ZFHX3: variants seen among roughly 807,000 people sequenced by gnomAD.
The protein encoded by ZFHX3 is zinc finger homeobox protein 3.
A neutral mutation model predicts 279.1 loss-of-function variants in ZFHX3; 42 were observed. The observed-to-expected ratio is 0.15, with a 90% CI of 0.12 to 0.19. ZFHX3 has a LOEUF of 0.19. Ranked by LOEUF, ZFHX3 falls within the 10% of genes least tolerant of loss-of-function variation. The pLI is 1.00. For missense variants in ZFHX3, 4,981 were observed against 4,754.0 expected (o/e 1.05, Z -1.40); for synonymous variants, 2,293 against 1,957.8 (o/e 1.17, Z -4.52).
intron 3 of ZFHX3, among the ~76,000 whole-genome samples, chr16:72,935,965 G>C (rs922098240): frequency 1.3e-5 from 2 of 152,206 alleles, no homozygotes; most frequent in African/African-American, 2.4e-5. Context: ...GGGAGAAAGA[G>C]CAGTGATTTT....
chr16:73,155,655 T>C (rs1402381959), intron 5 of ZFHX3, among the ~76,000 whole-genome samples: 1 of 151,954 alleles, frequency 6.6e-6, no homozygotes, highest in Non-Finnish European at 1.5e-5. Flanking sequence ...AAACACCGTC[T>C]CTACTAAAAA....
intron 5 of ZFHX3, among the ~76,000 whole-genome samples, chr16:73,256,398 T>G (rs140969801): frequency 6.6e-6 from 1 of 152,330 alleles, no homozygotes; most frequent in East Asian, 1.9e-4. Flanking sequence ...TTTTATAGAA[T>G]TGAATGTACA....
chr16:72,787,327 C>T lies in ZFHX3; in HGVS notation c.10949G>A (p.Gly3650Glu). The change falls in exon 10 of 10, where the codon GGG becomes GAG. Residue 3650 changes from glycine (G) to glutamate (E), a missense_variant. Physicochemically the swap from Gly to Glu is moderately conservative, Grantham distance 98. Coordinates refer to ENST00000268489, the MANE Select transcript of ZFHX3 (RefSeq NM_006885.4). ...TVTSSSCSTSGVQPSMPTDDY... is the reference protein window; with the variant it reads ...TVTSSSCSTSEVQPSMPTDDY... ...GTCTGTTGGCATCGAGGGCTGAACC[C>T]CTGAGGTGCTGCATGAACTTGAGGT... 3 of 1,613,898 alleles carry T rather than the reference C, an allele frequency of 1.9e-6. No homozygotes were observed. In the South Asian group the frequency reaches 3.3e-5, roughly 18 times the overall value.
chr16:73,540,453 G>A (rs770168092), intron 2 of ZFHX3, among the ~76,000 whole-genome samples: 6 of 152,152 alleles, frequency 3.9e-5, no homozygotes, highest in South Asian at 2.1e-4. Flanking sequence ...ACTTTTAGTC[G>A]CATCAAAATC....
At position 73,840,746 on chromosome 16, in the gene ZFHX3, G is replaced by T. The variant is rs1224706480; in HGVS notation, c.-1608+50905C>A. On this transcript the variant is annotated intron_variant, in intron 1 of 17. Coordinates refer to the ZFHX3 transcript ENST00000641206. Reference sequence around the variant, plus strand: ...CCCACATTATGCAACATGCCTATAAGCTGCCTTGTATACCACAAATTGAAG... The same window carrying T: ...CCCACATTATGCAACATGCCTATAATCTGCCTTGTATACCACAAATTGAAG... 8.5e-5 allele frequency among the ~76,000 whole-genome samples: 13 copies of T among 152,266 alleles called. No homozygotes were observed. The South Asian group carries it at 2.7e-3, about 32-fold the overall frequency.
intron 1 of ZFHX3, among the ~76,000 whole-genome samples, chr16:73,821,847 T>C (rs1340341042): frequency 1.3e-5 from 2 of 152,210 alleles, no homozygotes; most frequent in East Asian, 1.9e-4. Context: ...TGCACTTACA[T>C]GGGCTGACCT....
At chr16:73,311,948 G>A (rs1229417929) in intron 4 of ZFHX3, among the ~76,000 whole-genome samples, 1 of 152,146 alleles carries the variant, frequency 6.6e-6, no homozygotes, top group Non-Finnish European at 1.5e-5. Context: ...TGAGGTTGCT[G>A]AAAGAGTGAT....
chr16:72,787,977 G>T lies in ZFHX3; in HGVS notation c.10299C>A (p.Pro3433=), dbSNP rs769598232. The T allele has an allele frequency of 6.2e-6, 10 of 1,613,754 alleles. No homozygotes were observed. The East Asian group carries it at 8.9e-5, about 14-fold the overall frequency. The change falls in exon 10 of 10, where the codon CCC becomes CCA. Residue 3433 remains proline (P), a synonymous_variant. Transcript: ENST00000268489. ...GCTCTTCAGGGAGTTTCGGCAGGAGGGGGGACACCTCACGGGGGGTGTTTT... is the reference window on the plus strand; with the variant it reads ...GCTCTTCAGGGAGTTTCGGCAGGAGTGGGGACACCTCACGGGGGGTGTTTT... The part of the protein sequence containing the change: ...EQKNTPREVS[P]LLPKLPEEPE...
chr16:73,710,261 A>G (rs1157889835), intron 1 of ZFHX3, among the ~76,000 whole-genome samples: 2 of 152,230 alleles, frequency 1.3e-5, no homozygotes, highest in Non-Finnish European at 2.9e-5. Flanking sequence ...AGAGCCTCCC[A>G]TTTAGCTGTT....
chr16:73,623,553 A>T (rs2052388246), intron 2 of ZFHX3, among the ~76,000 whole-genome samples: 1 of 152,192 alleles, frequency 6.6e-6, no homozygotes, highest in Non-Finnish European at 1.5e-5. Context: ...CAGACAAGTA[A>T]ATTTGTCACT....
At chr16:73,140,047 C>A (rs1307252737) in intron 6 of ZFHX3, among the ~76,000 whole-genome samples, 1 of 152,032 alleles carries the variant, frequency 6.6e-6, no homozygotes, top group African/African-American at 2.4e-5. Context: ...GTGGGAGAAT[C>A]GTTGAGGCCA....
At chr16:73,260,004 G>A (rs1378519208) in intron 4 of ZFHX3, among the ~76,000 whole-genome samples, 1 of 151,670 alleles carries the variant, frequency 6.6e-6, no homozygotes, top group East Asian at 1.9e-4. Context: ...TCCTTTCCCA[G>A]GATCCAATCT....
chr16:72,991,468 C>T (rs560378146), intron 1 of ZFHX3, among the ~76,000 whole-genome samples: 1 of 152,298 alleles, frequency 6.6e-6, no homozygotes, highest in Non-Finnish European at 1.5e-5. Flanking sequence ...AAATTTGCTA[C>T]AGACTTTGGG....
In ZFHX3 at chr16:72,797,923, G is replaced by A. The variant is rs1471430723; in HGVS notation, c.4759C>T (p.Pro1587Ser). 1 of 1,614,198 alleles carries A rather than the reference G, an allele frequency of 6.2e-7. No homozygotes were observed. Among genetic ancestry groups the A allele is most frequent in the Non-Finnish European group, 8.5e-7 (1 of 1,180,030 alleles). ...GGTTTGTTGTCTGGGCTGCTGGTGG[G>A]TTCTGGCTGACCGGTTGCTGATTCT... ...LQESATGQPE[P>S]TSSPDNKPFK... The change falls in exon 9 of 10, where the codon CCC (proline) becomes TCC (serine). Residue 1587 changes from proline (P) to serine (S), a missense_variant. This residue lies in a region of ZFHX3 where 1,751 missense variants were observed against 1,770.0 expected (regional missense o/e 0.99). Coordinates refer to ENST00000268489, the MANE Select transcript of ZFHX3 (RefSeq NM_006885.4).
intron 8 of ZFHX3, among the ~76,000 whole-genome samples, chr16:73,075,207 G>A (rs11860736): frequency 6.6e-6 from 1 of 152,100 alleles, no homozygotes; most frequent in Non-Finnish European, 1.5e-5. Context: ...ACAGTGCTTA[G>A]AGAGGCTGAG....
chr16:73,287,904 C>T (rs887306444), intron 4 of ZFHX3, among the ~76,000 whole-genome samples: 4 of 151,586 alleles, frequency 2.6e-5, no homozygotes, highest in Non-Finnish European at 4.4e-5. Flanking sequence ...GGGTGTGAGC[C>T]GGCAGCAGGC....
At chr16:73,506,901 A>AT (rs1466948460) in intron 2 of ZFHX3, among the ~76,000 whole-genome samples, 1 of 152,180 alleles carries the variant, frequency 6.6e-6, no homozygotes, top group Non-Finnish European at 1.5e-5. Flanking sequence ...GATAATGCAT[A>AT]TTTTGTGTCT....
At chr16:73,612,956 T>A (rs1284279529) in intron 2 of ZFHX3, among the ~76,000 whole-genome samples, 2 of 152,116 alleles carry the variant, frequency 1.3e-5, no homozygotes, top group Admixed American at 1.3e-4. Context: ...CATATTTCAA[T>A]GAAGCTCCAT....
chr16:72,928,008 G>C (rs1959553675), intron 3 of ZFHX3, among the ~76,000 whole-genome samples: 1 of 148,232 alleles, frequency 6.7e-6, no homozygotes. Flanking sequence ...TGCGCCAGAG[G>C]CCTCCAGGCT....
Sources: gnomAD v4.1 joint callset for allele counts (sites outside exome capture counted in the v4.1 genomes callset) on GRCh38, gnomAD v4.1.1 for gene constraint, gnomAD v4.1.1 regional missense constraint, MANE v1.5 for transcripts, NCBI Gene and HGNC (gene_info 2026-07-23, HGNC 2026-07-21) for gene names.